DDX56: variants seen among roughly 807,000 people sequenced by gnomAD.
DDX56 encodes the protein DEAD-box helicase 56, also known as probable ATP-dependent RNA helicase DDX56.
Under a neutral mutation model 61.5 loss-of-function variants are expected in DDX56, and 45 were observed. The ratio of observed to expected loss-of-function variants is 0.73; its 90% CI spans 0.58 to 0.94. DDX56 has a LOEUF of 0.94. DDX56 is among the 40% of genes least tolerant of loss of function. The pLI is 0.00. For synonymous variants in DDX56, 273 were observed against 268.3 expected (o/e 1.02, Z -0.17); for missense variants, 708 against 690.7 (o/e 1.02, Z -0.28).
Position 44,570,119 on chromosome 7 carries a change from A to G in DDX56, c.1020T>C (p.Asp340=). Reference sequence around the variant, plus strand: ...TGCCCCGGGCCACACCTGCTTCCGGATCAGAGGCCCTGCAGAGATAACTCA... The same window carrying G: ...TGCCCCGGGCCACACCTGCTTCCGGGTCAGAGGCCCTGCAGAGATAACTCA... The part of the protein sequence containing the change: ...GRGPKGDKAS[D]PEAGVARGID... Residue 340 remains aspartate (D), a synonymous_variant, in exon 8 of 14, where the codon GAT becomes GAC. Transcript: ENST00000258772. The G allele has an allele frequency of 6.2e-7, 1 of 1,614,010 alleles. No homozygotes were observed. Among genetic ancestry groups the G allele is most frequent in the Non-Finnish European group, 8.5e-7 (1 of 1,180,034 alleles).
At chr7:44,571,349 G>A in intron 6 of DDX56, 143 bp downstream of exon 6, 1 of 967,284 alleles carries the variant, frequency 1.0e-6, no homozygotes, top group South Asian at 1.6e-5. Context: ...GCCATGATAG[G>A]TATTTTGGAG....
chr7:44,566,937 G>GCCCTC (rs1378180141), intron 12 of DDX56, among the ~76,000 whole-genome samples: 26 of 152,100 alleles, frequency 1.7e-4, no homozygotes, highest in African/African-American at 6.3e-4. Flanking sequence ...CCACACCTGG[G>GCCCTC]CCCTCCCCTT....
rs1447023380 is a variant in DDX56 at position 44,568,149 on chromosome 7, C to A, written c.1458G>T (p.Lys486Asn). ...HDLPLHPAVVKPHLGHVPDYL... is the reference protein window; with the variant it reads ...HDLPLHPAVVNPHLGHVPDYL... ...AGTCAGGAACATGGCCCAGGTGGGGCTTCACCACTGCGGGGTGCAAAGGTA... is the reference window on the plus strand; with the variant it reads ...AGTCAGGAACATGGCCCAGGTGGGGATTCACCACTGCGGGGTGCAAAGGTA... The change falls in exon 12 of 14, where the codon AAG (lysine) becomes AAT (asparagine). Residue 486 changes from lysine (K) to asparagine (N), a missense_variant. Coordinates refer to ENST00000258772, the MANE Select transcript of DDX56 (RefSeq NM_019082.4). The A allele has an allele frequency of 6.2e-7, 1 of 1,614,124 alleles. No individual in the cohort carries two copies. The highest frequency in any genetic ancestry group is 1.3e-5 in the African/African-American group (1 of 75,062).
chr7:44,570,373 G>A (rs1194555131), intron 7 of DDX56, among the ~76,000 whole-genome samples: 1 of 152,184 alleles, frequency 6.6e-6, no homozygotes, highest in East Asian at 1.9e-4. Flanking sequence ...GCCCTACATG[G>A]TGATCTGAAA....
At chr7:44,566,175 T>C in intron 13 of DDX56, 96 bp from the exon 14 acceptor site, 1 of 636,532 alleles carries the variant, frequency 1.6e-6, no homozygotes, top group South Asian at 1.8e-5. Context: ...AAGGGAGCCG[T>C]GCCGGCAACT....
At position 44,565,866 on chromosome 7, in the gene DDX56, G is replaced by A. The variant is rs746367435; in HGVS notation, c.*136C>T. On this transcript the variant is annotated 3_prime_UTR_variant, in exon 14 of 14. Transcript: ENST00000258772. ...AAGATGCCAGCTTGGAAGTGCCAAG[G>A]AGCTAAAGGGCCCAGCACTGCCGGC... The A allele has an allele frequency of 1.3e-5, 9 of 705,150 alleles. No individual in the cohort carries two copies. The highest frequency in any genetic ancestry group is 2.3e-5 in the Non-Finnish European group (9 of 395,046). 43.7% of individuals were successfully genotyped at this position (705,150 alleles called of 1,614,324 possible). A position where few individuals can be genotyped will look rare whatever the true frequency, so the allele number is the denominator to read the frequency against.
chr7:44,573,263 A>G (rs1277317192), intron 2 of DDX56, among the ~76,000 whole-genome samples: 1 of 152,252 alleles, frequency 6.6e-6, no homozygotes, highest in Non-Finnish European at 1.5e-5. Context: ...ATGTTTATGA[A>G]GCTACTTTAA....
At position 44,565,813 on chromosome 7, in the gene DDX56, T is replaced by C. The variant is rs531634052; in HGVS notation, c.*189A>G. 22 of 604,074 alleles carry C rather than the reference T, an allele frequency of 3.6e-5. No homozygotes were observed. The highest frequency in any genetic ancestry group is 9.6e-5 in the South Asian group (5 of 51,990). 37.4% of individuals were successfully genotyped at this position (604,074 alleles called of 1,614,324 possible). A position where few individuals can be genotyped will look rare whatever the true frequency, so the allele number is the denominator to read the frequency against. ...TGCTGGAGGCACAAACTGGGGCAGCTAAAATTTTTATTCTGTTGTCAAGGG... is the reference window on the plus strand; with the variant it reads ...TGCTGGAGGCACAAACTGGGGCAGCCAAAATTTTTATTCTGTTGTCAAGGG... On this transcript the variant is annotated 3_prime_UTR_variant, in exon 14 of 14. Transcript: ENST00000258772.
chr7:44,570,001 C>A lies in DDX56; in HGVS notation c.1124+14G>T, dbSNP rs373382943. ...GTGCCTACCATGCAGATGCCTGGGCCGTCACACTACTACCTGCCAGCTCGA... is the reference window on the plus strand; with the variant it reads ...GTGCCTACCATGCAGATGCCTGGGCAGTCACACTACTACCTGCCAGCTCGA... On this transcript the variant is annotated intron_variant, in intron 8 of 13. Coordinates refer to ENST00000258772, the MANE Select transcript of DDX56 (RefSeq NM_019082.4). 126 of 1,614,092 alleles carry A rather than the reference C, an allele frequency of 7.8e-5. 1 individual carries two copies. In the South Asian group the frequency reaches 1.4e-3, roughly 17 times the overall value.
chr7:44,573,217 C>A (rs1802726064), intron 2 of DDX56, among the ~76,000 whole-genome samples, 167 bp from the exon 3 acceptor site: 1 of 152,160 alleles, frequency 6.6e-6, no homozygotes, highest in Non-Finnish European at 1.5e-5. Flanking sequence ...AGTTCTTTCC[C>A]CAGGCACTGA....
Position 44,572,877 on chromosome 7 carries a change from T to C in DDX56, c.383+13A>G. ...TAGCTTCATTCAGGTACAGCTTTGC[T>C]GCTTTTACCCACCTCTGAGAGACTG... is the stretch of plus-strand genomic sequence containing the variant. On this transcript the variant is annotated intron_variant, in intron 3 of 13. Transcript: ENST00000258772. 1.3e-6 allele frequency: 2 copies of C among 1,584,420 alleles called. No homozygotes were observed. The highest frequency in any genetic ancestry group is 1.7e-6 in the Non-Finnish European group (2 of 1,162,994).
chr7:44,567,382 A>G (rs951734056), intron 12 of DDX56, among the ~76,000 whole-genome samples: 1 of 152,156 alleles, frequency 6.6e-6, no homozygotes, highest in Non-Finnish European at 1.5e-5. Flanking sequence ...CTTGCTGCCC[A>G]CAGCCTCCTC....
At chr7:44,569,490 A>AC (rs1392447181) in intron 9 of DDX56, among the ~76,000 whole-genome samples, 1 of 151,786 alleles carries the variant, frequency 6.6e-6, no homozygotes, top group African/African-American at 2.4e-5. Context: ...GAGTCAAGGT[A>AC]CCCCCATGAC....
Position 44,571,743 on chromosome 7 carries a change from G to A in DDX56, c.646-7C>T. 2 of 1,613,496 alleles carry A rather than the reference G, an allele frequency of 1.2e-6. No homozygotes were observed. Among genetic ancestry groups the A allele is most frequent in the Non-Finnish European group, 1.7e-6 (2 of 1,179,810 alleles). On this transcript the variant is annotated splice_polypyrimidine_tract_variant and splice_region_variant and intron_variant, in intron 5 of 13. Coordinates refer to ENST00000258772, the MANE Select transcript of DDX56 (RefSeq NM_019082.4). ...CCTGTAACTTAAGGGTAACCTGGGG[G>A]AGAAAACAGGCCTGTGGTCAGAAAG...
Position 44,567,953 on chromosome 7 carries a change from G to C in DDX56, c.1489+165C>G, listed in dbSNP as rs1355326840. Among the ~76,000 whole-genome samples the C allele has an allele frequency of 1.3e-5, 2 of 152,228 alleles. 1 individual carries two copies. The highest frequency in any genetic ancestry group is 2.9e-5 in the Non-Finnish European group (2 of 68,042). Reference sequence around the variant, plus strand: ...CCGTGGGACCAAGCAAACAAGTTTAGAAACACAGGGGTGTGCCTGTTTACA... The same window carrying C: ...CCGTGGGACCAAGCAAACAAGTTTACAAACACAGGGGTGTGCCTGTTTACA... On this transcript the variant is annotated intron_variant, in intron 12 of 13. Transcript: ENST00000258772.
At chr7:44,569,669 C>T in intron 9 of DDX56, 140 bp downstream of exon 9, 2 of 745,444 alleles carry the variant, frequency 2.7e-6, no homozygotes, top group Non-Finnish European at 4.5e-6. Flanking sequence ...CAGTGCCTGC[C>T]ACTCAGGGCA....
rs375767107 is a variant in DDX56, at chr7:44,572,935, A to C, written c.338T>G (p.Val113Gly). The change falls in exon 3 of 14, where the codon GTC (valine) becomes GGC (glycine). Residue 113 changes from valine to glycine, a missense_variant. Coordinates refer to ENST00000258772, the MANE Select transcript of DDX56 (RefSeq NM_019082.4). ...QQLATYCARDVRVANVSAAED... is the reference protein window; with the variant it reads ...QQLATYCARDGRVANVSAAED... ...AGCAGCTGAGACATTGGCCACTCGG[A>C]CATCCCGAGCACAGTAGGTAGCCAG... The C allele has an allele frequency of 3.7e-6, 6 of 1,609,022 alleles. No individual in the cohort carries two copies. In the East Asian group the frequency reaches 8.9e-5, roughly 24 times the overall value.
intron 6 of DDX56, among the ~76,000 whole-genome samples, chr7:44,571,164 G>A (rs1234732606): frequency 1.3e-5 from 2 of 152,188 alleles, no homozygotes; most frequent in Non-Finnish European, 2.9e-5. Flanking sequence ...TCAGCTTCCT[G>A]AGTAGCTGGG....
In DDX56 at chr7:44,573,589, C is replaced by T. The variant is rs1802738306; in HGVS notation, c.216G>A (p.Arg72=). The part of the protein sequence containing the change: ...AIPMLQLLLH[R]KATGPVVEQA... ...CAGCTCTCTCGTTACCCACCGCCTT[C>T]CTATGGAGCAACAGCTGCAGCATCG... The change falls in exon 2 of 14, where the codon AGG becomes AGA. Residue 72 remains arginine, a synonymous_variant. Transcript: ENST00000258772. The T allele has an allele frequency of 1.9e-6, 3 of 1,613,326 alleles. No individual in the cohort carries two copies. In the South Asian group the frequency reaches 3.3e-5, roughly 18 times the overall value.
Sources: gnomAD v4.1 joint callset for allele counts (sites outside exome capture counted in the v4.1 genomes callset) on GRCh38, gnomAD v4.1.1 for gene constraint, MANE v1.5 for transcripts, NCBI Gene and HGNC (gene_info 2026-07-23, HGNC 2026-07-21) for gene names.